Variants in FRMD4A observed in about 807,000 individuals in gnomAD.
FRMD4A encodes the protein FERM domain-containing protein 4A.
In FRMD4A, 29 loss-of-function variants were observed where a neutral mutation model predicts 129.1. The ratio of observed to expected loss-of-function variants is 0.22; its 90% CI spans 0.17 to 0.31. The LOEUF (loss-of-function observed/expected upper bound fraction) is 0.31. Ranked by LOEUF, FRMD4A falls within the 10% of genes least tolerant of loss-of-function variation. The pLI, the probability that FRMD4A is intolerant of heterozygous loss-of-function variation, is 1.00. For synonymous variants in FRMD4A, 634 were observed against 571.6 expected, an observed-to-expected ratio of 1.11 and a Z score of -1.56; for missense variants, 1,272 against 1,375.8, an observed-to-expected ratio of 0.92 and a Z score of 1.19.
intron 2 of FRMD4A, among the ~76,000 whole-genome samples, chr10:14,113,361 C>A (rs1838025561): frequency 6.6e-6 from 1 of 152,150 alleles, no homozygotes; most frequent in Admixed American, 6.5e-5. Context: ...GATCCAGACC[C>A]ACTTCCACCT....
intron 2 of FRMD4A, among the ~76,000 whole-genome samples, chr10:14,041,026 A>T (rs893425267): frequency 1.3e-5 from 2 of 152,232 alleles, no homozygotes; most frequent in African/African-American, 4.8e-5. Flanking sequence ...AATCAAAGGA[A>T]TTATATAACT....
At chr10:13,884,149 CA>C (rs1230160499) in intron 2 of FRMD4A, among the ~76,000 whole-genome samples, 29 of 22,572 alleles carry the variant, frequency 1.3e-3, no homozygotes, top group South Asian at 4.4e-3. Flanking sequence ...CACACTCTCA[CA>C]CACTCTCACA....
chr10:13,679,204 A>G (rs2084259645), intron 15 of FRMD4A, among the ~76,000 whole-genome samples: 1 of 151,154 alleles, frequency 6.6e-6, no homozygotes. Context: ...CAGGTGGGTC[A>G]CGAGGTCAGG....
intron 3 of FRMD4A, among the ~76,000 whole-genome samples, chr10:13,858,413 C>T (rs1443234367): frequency 6.6e-6 from 1 of 152,126 alleles, no homozygotes; most frequent in Non-Finnish European, 1.5e-5. Flanking sequence ...TCAGTCTGGG[C>T]AACAAGAGCG....
chr10:14,028,640 G>A (rs891691951), intron 2 of FRMD4A, among the ~76,000 whole-genome samples: 2 of 152,048 alleles, frequency 1.3e-5, no homozygotes, highest in African/African-American at 4.8e-5. Flanking sequence ...AAGGATAAAT[G>A]CTTGAGGGGA....
At chr10:13,793,682 G>C (rs1199404724) in intron 5 of FRMD4A, among the ~76,000 whole-genome samples, 3 of 152,134 alleles carry the variant, frequency 2.0e-5, no homozygotes, top group Admixed American at 6.5e-5. Flanking sequence ...ACACTGGAAA[G>C]GTACCCAGCT....
chr10:14,271,702 C>T (rs1468803465), intron 2 of FRMD4A, among the ~76,000 whole-genome samples: 1 of 152,196 alleles, frequency 6.6e-6, no homozygotes, highest in African/African-American at 2.4e-5. Flanking sequence ...GATAACTTTG[C>T]ATTAAATATC....
At chr10:14,128,959 G>C (rs1354629081) in intron 2 of FRMD4A, among the ~76,000 whole-genome samples, 1 of 152,126 alleles carries the variant, frequency 6.6e-6, no homozygotes, top group Non-Finnish European at 1.5e-5. Flanking sequence ...CGCTGGTCCT[G>C]GAGACAGACT....
chr10:13,862,653 A>G (rs1279522369), intron 2 of FRMD4A, among the ~76,000 whole-genome samples: 1 of 152,228 alleles, frequency 6.6e-6, no homozygotes, highest in African/African-American at 2.4e-5. Flanking sequence ...AAGTGTCTAA[A>G]CAGACTCACC....
At chr10:13,962,071 G>C (rs1047198787) in intron 2 of FRMD4A, among the ~76,000 whole-genome samples, 1 of 139,830 alleles carries the variant, frequency 7.2e-6, no homozygotes, top group Non-Finnish European at 1.6e-5. Context: ...ATGAATGAAT[G>C]AATGAATCTT....
At position 13,808,090 on chromosome 10, in the gene FRMD4A, T is replaced by C. The variant is rs142949782; in HGVS notation, c.206+2724A>G. Among the ~76,000 whole-genome samples, 18 of 152,346 alleles carry C rather than the reference T, an allele frequency of 1.2e-4. No homozygotes were observed. The East Asian group carries it at 3.1e-3, about 26-fold the overall frequency. ...CTGGGATTACAGGTGTGAGCCACCA[T>C]GCTCAGCCTACTATTAGAAATTCTA... On this transcript the variant is annotated intron_variant, in intron 4 of 24. Coordinates refer to ENST00000357447, the MANE Select transcript of FRMD4A (RefSeq NM_018027.5).
rs2094779896 is a variant in FRMD4A at position 13,898,180 on chromosome 10, C to G, written c.46-39268G>C. On this transcript the variant is annotated intron_variant, in intron 2 of 24. Transcript: ENST00000357447. ...CTGAGGTCAGGAGTTTGAGACCAGC[C>G]TGGATAACATAGTGAAAGCCAGTCT... Among the ~76,000 whole-genome samples, 4 of 152,146 alleles carry G rather than the reference C, an allele frequency of 2.6e-5. No individual in the cohort carries two copies. In the South Asian group the frequency reaches 8.3e-4, roughly 32 times the overall value.
intron 15 of FRMD4A, among the ~76,000 whole-genome samples, chr10:13,676,743 C>T (rs544659424): frequency 6.6e-6 from 1 of 152,216 alleles, no homozygotes; most frequent in Non-Finnish European, 1.5e-5. Context: ...ATCTCCACCG[C>T]GAAAACTGTC....
intron 2 of FRMD4A, among the ~76,000 whole-genome samples, chr10:13,898,051 C>T (rs1256588551): frequency 6.6e-6 from 1 of 151,692 alleles, no homozygotes; most frequent in Non-Finnish European, 1.5e-5. Flanking sequence ...CCTTTTGCCC[C>T]AAGCACCTTA....
At chr10:13,656,032 A>G (rs1647687531) in intron 22 of FRMD4A, 1 of 152,188 alleles carries the variant, frequency 6.6e-6, no homozygotes, top group African/African-American at 2.4e-5. Flanking sequence ...ATTTTCAGAT[A>G]TAACGTCAAG....
At chr10:14,163,660 A>C (rs1332269053) in intron 2 of FRMD4A, among the ~76,000 whole-genome samples, 1 of 152,248 alleles carries the variant, frequency 6.6e-6, no homozygotes, top group Non-Finnish European at 1.5e-5. Context: ...ATGAGATTCC[A>C]GAACGGCCAG....
chr10:13,984,437 TC>T (rs1239792014), intron 2 of FRMD4A, among the ~76,000 whole-genome samples: 2 of 152,326 alleles, frequency 1.3e-5, no homozygotes, highest in East Asian at 3.9e-4. Context: ...AATGTGCCGT[TC>T]AGTGGCATTA....
intron 2 of FRMD4A, among the ~76,000 whole-genome samples, chr10:14,315,993 G>A (rs981884059): frequency 3.9e-5 from 6 of 152,220 alleles, no homozygotes; most frequent in Non-Finnish European, 7.3e-5. Flanking sequence ...TGGGTTGGGT[G>A]CCCTGCTCTG....
intron 2 of FRMD4A, among the ~76,000 whole-genome samples, chr10:13,882,168 CA>C (rs2094554930): frequency 6.6e-6 from 1 of 151,760 alleles, no homozygotes; most frequent in Non-Finnish European, 1.5e-5. Flanking sequence ...TGGATGTGGT[CA>C]GGGGTATAGG....
Sources: gnomAD v4.1 joint callset for allele counts (sites outside exome capture counted in the v4.1 genomes callset) on GRCh38, gnomAD v4.1.1 for gene constraint, MANE v1.5 for transcripts, NCBI Gene and HGNC (gene_info 2026-07-23, HGNC 2026-07-21) for gene names.